NBL1: variants seen among roughly 807,000 people sequenced by gnomAD.
The protein encoded by NBL1 is neuroblastoma suppressor of tumorigenicity 1.
A neutral mutation model predicts 16.0 loss-of-function variants in NBL1; 9 were observed. The ratio of observed to expected loss-of-function variants is 0.56; its 90% CI spans 0.34 to 0.98. The LOEUF (loss-of-function observed/expected upper bound fraction) is 0.98, where lower values mean the gene tolerates loss of function less well. Among genes scored for constraint, NBL1 ranks in the 50% least tolerant of loss-of-function variants. The pLI is 0.02. For synonymous variants in NBL1, 86 were observed against 100.7 expected (o/e 0.85, Z 0.87); for missense variants, 196 against 243.1 (o/e 0.81, Z 1.29).
chr1:19,646,085 C>G, intron 1 of NBL1: 2 of 1,544,530 alleles, frequency 1.3e-6, no homozygotes, highest in South Asian at 2.4e-5. Flanking sequence ...GTGGTCAGGG[C>G]TGGAAGATGC....
intron 1 of NBL1, chr1:19,645,710 G>C (rs1219239413): frequency 1.6e-6 from 2 of 1,287,426 alleles, no homozygotes; most frequent in Non-Finnish European, 2.0e-6. Context: ...GCGTTTCCTC[G>C]GTGACCCCTA....
In NBL1 at chr1:19,651,990, G is replaced by A. The variant is rs759286791; in HGVS notation, c.-19-3022G>A. Among the ~76,000 whole-genome samples the A allele has an allele frequency of 1.1e-4, 16 of 152,162 alleles. 1 individual carries two copies. The highest frequency in any genetic ancestry group is 6.5e-4 in the Admixed American group (10 of 15,288). Reference sequence around the variant, plus strand: ...ACTCCTGAGTTCAAGTGGTCCTCCCGCTTTGGCCTCCCAAAGTGCTAGAAT... The same window carrying A: ...ACTCCTGAGTTCAAGTGGTCCTCCCACTTTGGCCTCCCAAAGTGCTAGAAT... On this transcript the variant is annotated intron_variant, in intron 1 of 3. Coordinates refer to ENST00000375136, the MANE Select transcript of NBL1 (RefSeq NM_005380.8).
chr1:19,643,988 G>T (rs2094961824), upstream of NBL1: 1 of 985,342 alleles, frequency 1.0e-6, no homozygotes, highest in South Asian at 4.7e-5. The surrounding 1 kb of genome is among the most constrained non-coding windows in gnomAD (Gnocchi z 4.7). Flanking sequence ...GAAGCGCAGA[G>T]AAACCCGGGG....
At chr1:19,646,314 T>C (rs1258296334) in intron 1 of NBL1, among the ~76,000 whole-genome samples, 1 of 152,204 alleles carries the variant, frequency 6.6e-6, no homozygotes, top group Non-Finnish European at 1.5e-5. Context: ...ATTTTACAGA[T>C]GCAAACGTGA....
chr1:19,657,179 C>T lies in NBL1; in HGVS notation c.*50C>T, dbSNP rs1280776045. 2.3e-6 allele frequency: 2 copies of T among 856,344 alleles called. No homozygotes were observed. Among genetic ancestry groups the T allele is most frequent in the Admixed American group, 2.9e-5 (1 of 34,682 alleles). The allele number at this position is 856,344 out of a possible 1,614,324, so 53.0% of individuals were successfully genotyped here. On this transcript the variant is annotated 3_prime_UTR_variant, in exon 4 of 4. Transcript: ENST00000375136. ...CTCATCCCCCTGTGGAATGTTGGGT[C>T]TCACTCTCTGGGGAAGTCAGGGGAG...
chr1:19,646,400 G>A (rs2094980741), intron 1 of NBL1, among the ~76,000 whole-genome samples: 1 of 152,200 alleles, frequency 6.6e-6, no homozygotes. Context: ...CACACAGAAA[G>A]CCAATGTATG....
rs112384235 is a variant in NBL1, at chr1:19,650,178, C to T, written c.-19-4834C>T. ...GTAGCCTAGGAGCAATGGGCTATGCCATATAGCCTAGGTTTGTAATAGCCT... is the reference window on the plus strand; with the variant it reads ...GTAGCCTAGGAGCAATGGGCTATGCTATATAGCCTAGGTTTGTAATAGCCT... On this transcript the variant is annotated intron_variant, in intron 1 of 3. Transcript: ENST00000375136. Among the ~76,000 whole-genome samples, 1,058 of 152,254 alleles carry T rather than the reference C, an allele frequency of 6.9e-3. 13 individuals carry two copies. Among genetic ancestry groups the T allele is most frequent in the African/African-American group, 0.024 (1,005 of 41,536 alleles).
At chr1:19,647,892 CGCGTGTGTGT>C (rs11278327) in intron 1 of NBL1, among the ~76,000 whole-genome samples, 28,778 of 149,360 alleles carry the variant, frequency 0.19, 3,229 homozygotes, top group African/African-American at 0.33. Flanking sequence ...TGCGTGTGCG[CGCGTGTGTGT>C]GCGTGCTTGT....
chr1:19,646,227 G>A (rs1042387393), intron 1 of NBL1, among the ~76,000 whole-genome samples: 7 of 152,216 alleles, frequency 4.6e-5, no homozygotes, highest in East Asian at 3.9e-4. Flanking sequence ...GAATCACAGC[G>A]GCCTTAAGCA....
At position 19,655,189 on chromosome 1, in the gene NBL1, C is replaced by T. The variant is rs1262130204; in HGVS notation, c.159C>T (p.Ser53=). 6.2e-7 allele frequency: 1 copy of T among 1,607,684 alleles called. No individual in the cohort carries two copies. The highest frequency in any genetic ancestry group is 8.5e-7 in the Non-Finnish European group (1 of 1,177,078). The change falls in exon 2 of 4, where the codon TCC becomes TCT. Residue 53 remains serine (S), a synonymous_variant. Coordinates refer to ENST00000375136, the MANE Select transcript of NBL1 (RefSeq NM_005380.8). ...IVGHSGCEAK[S]IQNRACLGQC... is the part of the protein sequence containing the mutation. ...GCCACAGCGGCTGTGAGGCCAAGTC[C>T]ATCCAGAACAGGTGGGACCCAAGGG...
chr1:19,643,320 C>T, upstream of NBL1: 1 of 1,613,944 alleles, frequency 6.2e-7, no homozygotes, highest in Non-Finnish European at 8.5e-7. This position sits in a 1 kb window ranked among gnomAD's most constrained non-coding sequence, Gnocchi z 4.7. Context: ...GGATGCCCGG[C>T]AACCTCATGA....
At position 19,656,890 on chromosome 1, in the gene NBL1, G is replaced by C; in HGVS notation, c.307G>C (p.Glu103Gln). ...GGTGACGCTGGAGTGCCCGGGCCAC[G>C]AGGAGGTGCCCAGGGTGGACAAGCT... Reference protein sequence around the residue: ...EIVTLECPGHEEVPRVDKLVE... With the variant: ...EIVTLECPGHQEVPRVDKLVE... Residue 103 changes from glutamate to glutamine, a missense_variant, in exon 4 of 4, where the codon GAG (glutamate) becomes CAG (glutamine). Coordinates refer to ENST00000375136, the MANE Select transcript of NBL1 (RefSeq NM_005380.8). 6.2e-7 allele frequency: 1 copy of C among 1,612,316 alleles called. No homozygotes were observed. The highest frequency in any genetic ancestry group is 8.5e-7 in the Non-Finnish European group (1 of 1,178,808).
intron 1 of NBL1, among the ~76,000 whole-genome samples, chr1:19,648,596 G>T (rs999548814): frequency 6.6e-6 from 1 of 152,224 alleles, no homozygotes; most frequent in Non-Finnish European, 1.5e-5. Flanking sequence ...CCTCTTCCCC[G>T]GAGTGGGAGC....
Position 19,655,023 on chromosome 1 carries a change from C to A in NBL1, c.-8C>A. On this transcript the variant is annotated 5_prime_UTR_variant, in exon 2 of 4. Transcript: ENST00000375136. ...GTGCTCCGTTCTAGGGCTCTGGAGG[C>A]CACGGGCATGATGCTTCGGGTCCTG... The A allele has an allele frequency of 6.2e-7, 1 of 1,601,836 alleles. No individual in the cohort carries two copies. The highest frequency in any genetic ancestry group is 8.5e-7 in the Non-Finnish European group (1 of 1,175,336).
At chr1:19,653,285 CAAAAAAA>C in intron 1 of NBL1, among the ~76,000 whole-genome samples, 1 of 92,822 alleles carries the variant, frequency 1.1e-5, no homozygotes, top group African/African-American at 4.2e-5. Flanking sequence ...GACTCCGTCT[CAAAAAAA>C]AAAAAAAAAA....
intron 1 of NBL1, among the ~76,000 whole-genome samples, chr1:19,653,422 T>A (rs191523472): frequency 6.6e-6 from 1 of 152,162 alleles, no homozygotes; most frequent in South Asian, 2.1e-4. Flanking sequence ...GGACCAGGAC[T>A]TGTCCCCTCT....
At chr1:19,646,064 C>T in intron 1 of NBL1, 10 of 1,549,952 alleles carry the variant, frequency 6.5e-6, no homozygotes, top group African/African-American at 1.4e-5. Flanking sequence ...GGTTTGGGGG[C>T]TGGCACAGAG....
intron 1 of NBL1, among the ~76,000 whole-genome samples, chr1:19,652,123 G>A (rs2095029524): frequency 6.6e-6 from 1 of 152,088 alleles, no homozygotes; most frequent in Non-Finnish European, 1.5e-5. Context: ...GGCCCCCTGT[G>A]ACCTGTTGTT....
At chr1:19,653,280 C>T (rs373322514) in intron 1 of NBL1, among the ~76,000 whole-genome samples, 1,121 of 109,310 alleles carry the variant, frequency 0.01, 9 homozygotes, top group African/African-American at 0.039. Context: ...AGCGAGACTC[C>T]GTCTCAAAAA....
Sources: gnomAD v4.1 joint callset for allele counts (sites outside exome capture counted in the v4.1 genomes callset) on GRCh38, gnomAD v4.1.1 for gene constraint, Gnocchi (gnomAD v3.1) non-coding constraint, MANE v1.5 for transcripts, NCBI Gene and HGNC (gene_info 2026-07-23, HGNC 2026-07-21) for gene names.